PDE6B: variants seen among roughly 807,000 people sequenced by gnomAD.
PDE6B encodes rod cGMP-specific 3',5'-cyclic phosphodiesterase subunit beta.
PDE6B carries 106 observed loss-of-function variants against 109.0 expected under a neutral mutation model. The observed-to-expected ratio is 0.97, with a 90% CI of 0.83 to 1.14. PDE6B has a LOEUF of 1.14. Ranked by LOEUF, PDE6B falls within the 50% of genes most tolerant of loss-of-function variation. The pLI is 0.00. For synonymous variants in PDE6B, 490 were observed against 471.3 expected, an observed-to-expected ratio of 1.04 and a Z score of -0.51; for missense variants, 1,193 against 1,155.6, an observed-to-expected ratio of 1.03 and a Z score of -0.47.
rs990275390 is a variant in PDE6B, at chr4:648,835, G to T, written c.712-5017G>T. Among the ~76,000 whole-genome samples the T allele has an allele frequency of 3.3e-5, 5 of 152,242 alleles. No individual in the cohort carries two copies. The highest frequency in any genetic ancestry group is 4.8e-5 in the African/African-American group (2 of 41,468). ...GCTCTCACCTTCAGGCCGGCCATGC[G>T]TCAGGACCCGGTGGCTCGCTGCAAG... On this transcript the variant is annotated intron_variant, in intron 3 of 21. Coordinates refer to ENST00000496514, the MANE Select transcript of PDE6B (RefSeq NM_000283.4). This position sits in a 1 kb window ranked among gnomAD's most constrained non-coding sequence, Gnocchi z 4.5.
In PDE6B at chr4:670,076, C is replaced by A. The variant is rs777239497; in HGVS notation, c.2534C>A (p.Ala845Glu). Residue 845 changes from alanine to glutamate, a missense_variant, in exon 22 of 22, where the codon GCA becomes GAA. Physicochemically the swap from Ala to Glu is moderately radical, Grantham distance 107. Coordinates refer to ENST00000496514, the MANE Select transcript of PDE6B (RefSeq NM_000283.4). ...VGTEICNGGP[A>E]PKSSTCCIL ...ACAGAAATTTGCAATGGCGGCCCAG[C>A]ACCCAAGTCTTCAACCTGCTGTATC... The A allele has an allele frequency of 1.1e-5, 17 of 1,613,018 alleles. No individual in the cohort carries two copies. The East Asian group carries it at 3.8e-4, about 36-fold the overall frequency.
At chr4:668,156 A>ACTCT in intron 21 of PDE6B, 150 bp downstream of exon 21, 1 of 736,988 alleles carries the variant, frequency 1.4e-6, no homozygotes. Context: ...GCAGGGAGAG[A>ACTCT]GGCCACGGCG....
At chr4:630,329 G>A (rs998338911) in intron 1 of PDE6B, among the ~76,000 whole-genome samples, 3 of 152,234 alleles carry the variant, frequency 2.0e-5, no homozygotes, top group Non-Finnish European at 2.9e-5. Flanking sequence ...GGAGGGAGCC[G>A]CTGAGGCTGG....
intron 8 of PDE6B, 30 bp from the exon 9 acceptor site, chr4:656,844 G>A (rs763741927): frequency 2.4e-4 from 380 of 1,611,314 alleles, no homozygotes; most frequent in Non-Finnish European, 2.7e-4. Flanking sequence ...GCCTCAGGGC[G>A]GAGCTCAGCT....
At chr4:667,595 C>T (rs1737941638) in intron 20 of PDE6B, among the ~76,000 whole-genome samples, 1 of 152,184 alleles carries the variant, frequency 6.6e-6, no homozygotes, top group Non-Finnish European at 1.5e-5. Context: ...CTGAGCTGTT[C>T]TGCTCATTCT....
rs1318941308 is a variant in PDE6B, at chr4:662,302, C to T, written c.1722+61C>T. The T allele has an allele frequency of 2.0e-6, 2 of 1,006,452 alleles. No individual in the cohort carries two copies. Among genetic ancestry groups the T allele is most frequent in the Non-Finnish European group, 3.1e-6 (2 of 651,324 alleles). The allele number at this position is 1,006,452 out of a possible 1,614,324, so 62.3% of individuals were successfully genotyped here. A position where few individuals can be genotyped will look rare whatever the true frequency, so the allele number is the denominator to read the frequency against. ...CCCTCCTGGTACCAAGGGCAGCACT[C>T]AAGCACCCCGAGGGATGAGATGGGG... On this transcript the variant is annotated intron_variant, in intron 13 of 21. Coordinates refer to ENST00000496514, the MANE Select transcript of PDE6B (RefSeq NM_000283.4). This position sits in a 1 kb window ranked among gnomAD's most constrained non-coding sequence, Gnocchi z 4.3.
intron 3 of PDE6B, among the ~76,000 whole-genome samples, chr4:646,771 G>A (rs1258908248): frequency 1.3e-5 from 2 of 151,932 alleles, no homozygotes; most frequent in Non-Finnish European, 2.9e-5. Flanking sequence ...CCTTCCCAGA[G>A]CGTCCATCTC....
rs1231804945 is a variant in PDE6B, at chr4:665,337, C to T, written c.2268+8C>T. The T allele has an allele frequency of 6.3e-7, 1 of 1,597,012 alleles. No individual in the cohort carries two copies. On this transcript the variant is annotated splice_region_variant and intron_variant, in intron 19 of 21. Coordinates refer to ENST00000496514, the MANE Select transcript of PDE6B (RefSeq NM_000283.4). This position sits in a 1 kb window ranked among gnomAD's most constrained non-coding sequence, Gnocchi z 4.0. ...TTGGATCAGCAGCCCATTGTGAGTG[C>T]TGCTTCTGGAACCTTCCACTCCTGA... is the stretch of plus-strand genomic sequence containing the variant.
intron 20 of PDE6B, among the ~76,000 whole-genome samples, chr4:667,213 A>G (rs71602496): frequency 0.2 from 30,436 of 152,012 alleles, 3,768 homozygotes; most frequent in African/African-American, 0.34. Context: ...GCCTCCGGCC[A>G]CACTCCCTGG....
intron 8 of PDE6B, among the ~76,000 whole-genome samples, chr4:656,510 C>T (rs1172760511): frequency 6.6e-6 from 1 of 151,584 alleles, no homozygotes; most frequent in African/African-American, 2.4e-5. Flanking sequence ...GCCGTGACCG[C>T]GGCCCCCACA....
At chr4:657,635 CGGTGGG>C (rs1736463647) in intron 10 of PDE6B, 141 bp downstream of exon 10, 2 of 283,778 alleles carry the variant, frequency 7.0e-6, no homozygotes. Flanking sequence ...CACGGCTGTG[CGGTGGG>C]GGCAGGTCGT....
Position 662,631 on chromosome 4 carries a change from G to C in PDE6B, c.1832+13G>C. ...TGTACCAGATGAAGTAGGCACCTCA[G>C]GGCGGGCATGTGAATTAGCCCTAAA... On this transcript the variant is annotated intron_variant, in intron 14 of 21. Transcript: ENST00000496514. This position sits in a 1 kb window ranked among gnomAD's most constrained non-coding sequence, Gnocchi z 4.3. 6.7e-7 allele frequency: 1 copy of C among 1,498,862 alleles called. No homozygotes were observed. Among genetic ancestry groups the C allele is most frequent in the South Asian group, 1.1e-5 (1 of 88,912 alleles). 92.8% of individuals were successfully genotyped at this position (1,498,862 alleles called of 1,614,324 possible).
Position 633,725 on chromosome 4 carries a change from G to A in PDE6B, c.469-952G>A, listed in dbSNP as rs72613105. ...CAGGTGGGAAGTCCTGACCCCAGCA[G>A]GGCTGACTCCGGAGCCGTCCACCTG... is the stretch of plus-strand genomic sequence containing the variant. On this transcript the variant is annotated intron_variant, in intron 1 of 21. Coordinates refer to ENST00000496514, the MANE Select transcript of PDE6B (RefSeq NM_000283.4). This position sits in a 1 kb window ranked among gnomAD's most constrained non-coding sequence, Gnocchi z 4.5. Among the ~76,000 whole-genome samples, 16,793 of 152,234 alleles carry A rather than the reference G, an allele frequency of 0.11. 987 individuals carry two copies. The highest frequency in any genetic ancestry group is 0.2 in the East Asian group (1,050 of 5,160).
At chr4:639,175 C>T (rs1298168256) in intron 3 of PDE6B, among the ~76,000 whole-genome samples, 1 of 151,602 alleles carries the variant, frequency 6.6e-6, no homozygotes, top group Non-Finnish European at 1.5e-5. Flanking sequence ...GACAAGGCCT[C>T]ACTCTGCTGC....
At chr4:664,512 C>G (rs1013648103) in intron 17 of PDE6B, among the ~76,000 whole-genome samples, 1 of 152,150 alleles carries the variant, frequency 6.6e-6, no homozygotes, top group African/African-American at 2.4e-5. Context: ...TGATTCACAA[C>G]CAGCCCCTCC....
In PDE6B at chr4:666,509, C is replaced by T. The variant is rs369975914; in HGVS notation, c.2269-22C>T. 122 of 1,575,224 alleles carry T rather than the reference C, an allele frequency of 7.7e-5. No individual in the cohort carries two copies. The highest frequency in any genetic ancestry group is 5.4e-4 in the East Asian group (24 of 44,692). ...GCTGCCTCCCTGGTCACTGTTCTCCCGCCCTCTGTTCCTCCCACCAGCCTA... is the reference window on the plus strand; with the variant it reads ...GCTGCCTCCCTGGTCACTGTTCTCCTGCCCTCTGTTCCTCCCACCAGCCTA... On this transcript the variant is annotated intron_variant, in intron 19 of 21. Transcript: ENST00000496514. This position sits in a 1 kb window ranked among gnomAD's most constrained non-coding sequence, Gnocchi z 5.6.
At chr4:646,529 C>G (rs531831953) in intron 3 of PDE6B, among the ~76,000 whole-genome samples, 20 of 152,036 alleles carry the variant, frequency 1.3e-4, no homozygotes, top group Non-Finnish European at 2.5e-4. Flanking sequence ...AAAATCTCAG[C>G]CATTATTACT....
chr4:660,030 C>T (rs940832364), intron 11 of PDE6B, among the ~76,000 whole-genome samples: 11 of 152,070 alleles, frequency 7.2e-5, no homozygotes, highest in Non-Finnish European at 1.3e-4. Flanking sequence ...TGAGTCTGCA[C>T]GTGTGTGCCT....
intron 1 of PDE6B, among the ~76,000 whole-genome samples, chr4:629,647 C>T (rs1577239086): frequency 2.0e-5 from 3 of 152,324 alleles, no homozygotes; most frequent in South Asian, 2.1e-4. Flanking sequence ...CAAGACCCTT[C>T]GACTCAGTCC....
Sources: gnomAD v4.1 joint callset for allele counts (sites outside exome capture counted in the v4.1 genomes callset) on GRCh38, gnomAD v4.1.1 for gene constraint, Gnocchi (gnomAD v3.1) non-coding constraint, MANE v1.5 for transcripts, NCBI Gene and HGNC (gene_info 2026-07-23, HGNC 2026-07-21) for gene names.